The following AFF1 variants were observed in gnomAD, a reference collection of about 807,000 sequenced individuals.
AFF1 encodes ALF transcription elongation factor 1, also known as AF4/FMR2 family member 1.
AFF1 carries 48 observed loss-of-function variants against 121.7 expected under a neutral mutation model. That is an observed-to-expected ratio of 0.39 (90% confidence interval 0.31 to 0.50). The LOEUF (loss-of-function observed/expected upper bound fraction) is 0.50. AFF1 is among the 20% of genes least tolerant of loss of function. The pLI, the probability that AFF1 is intolerant of heterozygous loss-of-function variation, is 0.76. For synonymous variants in AFF1, 613 were observed against 563.0 expected, an observed-to-expected ratio of 1.09 and a Z score of -1.26; for missense variants, 1,523 against 1,511.7, an observed-to-expected ratio of 1.01 and a Z score of -0.12.
chr4:87,020,814 ATTG>A, intron 2 of AFF1: 1 of 985,362 alleles, frequency 1.0e-6, no homozygotes, highest in Non-Finnish European at 1.2e-6. Flanking sequence ...GGTAGTCATC[ATTG>A]TTAACGTCGT....
At chr4:86,951,628 T>TTC (rs1360973075) in intron 2 of AFF1, among the ~76,000 whole-genome samples, 12 of 64,378 alleles carry the variant, frequency 1.9e-4, no homozygotes, top group African/African-American at 4.2e-4. Flanking sequence ...TTTTTCTTTT[T>TTC]TTTTTTTTTT....
At chr4:87,037,666 A>G (rs545944433) in intron 2 of AFF1, among the ~76,000 whole-genome samples, 1 of 152,216 alleles carries the variant, frequency 6.6e-6, no homozygotes, top group South Asian at 2.1e-4. Context: ...CTACATATTA[A>G]TAGGCATACA....
At chr4:87,018,085 G>A (rs340649) in intron 2 of AFF1, among the ~76,000 whole-genome samples, 142,538 of 152,308 alleles carry the variant, frequency 0.94, 67,048 homozygotes, top group Non-Finnish European at 0.98. Flanking sequence ...TAATTTACCT[G>A]CGTAAGAATT....
intron 2 of AFF1, chr4:87,007,559 C>A: frequency 1.6e-6 from 2 of 1,214,766 alleles, no homozygotes. Context: ...ATTCCCGAGG[C>A]TGTGGCTTGA....
At chr4:86,958,211 A>G (rs576091187) in intron 2 of AFF1, among the ~76,000 whole-genome samples, 7 of 148,510 alleles carry the variant, frequency 4.7e-5, no homozygotes, top group Admixed American at 4.1e-4. Context: ...CTTCTGCCTC[A>G]GCCTCCCGAG....
intron 2 of AFF1, among the ~76,000 whole-genome samples, chr4:86,954,409 GC>G (rs1207898000): frequency 1.3e-5 from 2 of 152,134 alleles, no homozygotes; most frequent in Admixed American, 1.3e-4. Flanking sequence ...AATAAAGTAA[GC>G]TAGAGAAAAG....
In AFF1 at chr4:87,023,447, G is replaced by A. The variant is rs990627229; in HGVS notation, c.39-22719G>A. Among the ~76,000 whole-genome samples the A allele has an allele frequency of 5.9e-5, 9 of 152,180 alleles. No homozygotes were observed. In the East Asian group the frequency reaches 1.5e-3, roughly 26 times the overall value. ...TTATAAAAACTGTGCCTAAACTGAAGGACAGAACCACTTAAATTATTCATT... is the reference window on the plus strand; with the variant it reads ...TTATAAAAACTGTGCCTAAACTGAAAGACAGAACCACTTAAATTATTCATT... On this transcript the variant is annotated intron_variant, in intron 2 of 20. Transcript: ENST00000395146.
chr4:87,026,141 G>C lies in AFF1; in HGVS notation c.39-20025G>C, dbSNP rs1728513124. On this transcript the variant is annotated intron_variant, in intron 2 of 20. Transcript: ENST00000395146. ...AATTGCTTGAACCCGGGAGGTGGAG[G>C]TTGCAGTGAGCTGACACCATGCCAT... 2.6e-5 allele frequency among the ~76,000 whole-genome samples: 4 copies of C among 151,704 alleles called. No individual in the cohort carries two copies. The South Asian group carries it at 8.3e-4, about 32-fold the overall frequency.
chr4:87,134,313 C>T (rs1199814877), intron 19 of AFF1, among the ~76,000 whole-genome samples, 158 bp from the exon 20 acceptor site: 5 of 152,184 alleles, frequency 3.3e-5, no homozygotes, highest in East Asian at 1.9e-4. Context: ...CAGGGTGTCT[C>T]GTTGACCTTG....
At chr4:87,128,574 CCTAA>C (rs1728518166) in intron 16 of AFF1, among the ~76,000 whole-genome samples, 2 of 152,158 alleles carry the variant, frequency 1.3e-5, no homozygotes. Flanking sequence ...CACATGCAAA[CCTAA>C]CTACACATTT....
intron 2 of AFF1, among the ~76,000 whole-genome samples, chr4:87,004,791 T>C (rs1251818502): frequency 6.6e-6 from 1 of 152,254 alleles, no homozygotes; most frequent in Non-Finnish European, 1.5e-5. Flanking sequence ...TTGTTTTGGT[T>C]GAAGTCTATA....
intron 4 of AFF1, among the ~76,000 whole-genome samples, chr4:87,071,017 A>ACC (rs1560596681): frequency 6.6e-6 from 1 of 152,080 alleles, no homozygotes; most frequent in African/African-American, 2.4e-5. Context: ...AGGAAGAAGA[A>ACC]CCCCCAATTT....
intron 2 of AFF1, among the ~76,000 whole-genome samples, chr4:87,041,904 A>G (rs897788641): frequency 2.0e-5 from 3 of 151,514 alleles, no homozygotes; most frequent in Non-Finnish European, 4.4e-5. Flanking sequence ...AATGCTATCT[A>G]CTCGGGAGGC....
At chr4:86,979,481 G>A (rs572315890) in intron 2 of AFF1, among the ~76,000 whole-genome samples, 2 of 152,264 alleles carry the variant, frequency 1.3e-5, no homozygotes, top group South Asian at 2.1e-4. Flanking sequence ...GAACTGATAC[G>A]AATAAAACCT....
intron 1 of AFF1, among the ~76,000 whole-genome samples, chr4:86,938,305 C>G (rs938882923): frequency 2.0e-5 from 3 of 152,044 alleles, no homozygotes; most frequent in Non-Finnish European, 4.4e-5. Flanking sequence ...CAAAAAGTAG[C>G]TGGGCATGAT....
At chr4:87,044,418 A>G (rs566272006) in intron 2 of AFF1, among the ~76,000 whole-genome samples, 9 of 152,138 alleles carry the variant, frequency 5.9e-5, no homozygotes, top group African/African-American at 2.2e-4. Context: ...TTCGTTTCTG[A>G]TGGAGTTCAC....
At chr4:87,032,571 T>C (rs1729181960) in intron 2 of AFF1, among the ~76,000 whole-genome samples, 1 of 152,220 alleles carries the variant, frequency 6.6e-6, no homozygotes, top group Admixed American at 6.5e-5. Context: ...TTGTAGTCCA[T>C]GTGTTGTTTG....
At chr4:87,092,984 C>T (rs1724468132) in intron 7 of AFF1, among the ~76,000 whole-genome samples, 1 of 152,134 alleles carries the variant, frequency 6.6e-6, no homozygotes. Flanking sequence ...GCTTGGGTTG[C>T]TGGTCATGCA....
At chr4:86,943,641 A>G (rs1452031054) in intron 1 of AFF1, among the ~76,000 whole-genome samples, 2 of 152,128 alleles carry the variant, frequency 1.3e-5, no homozygotes, top group African/African-American at 2.4e-5. Context: ...CCTGGGCAAC[A>G]TGGCAAACTC....
Sources: allele counts gnomAD v4.1 joint callset (sites outside exome capture counted in the v4.1 genomes callset), GRCh38; gene constraint gnomAD v4.1.1; transcripts MANE v1.5; gene names NCBI Gene and HGNC (gene_info 2026-07-23, HGNC 2026-07-21).